The following CACNA2D1 variants were observed in gnomAD, a reference collection of about 807,000 sequenced individuals.
CACNA2D1 encodes voltage-dependent calcium channel subunit alpha-2/delta-1.
In CACNA2D1, 53 loss-of-function variants were observed where a neutral mutation model predicts 171.5. That is an observed-to-expected ratio of 0.31 (90% confidence interval 0.25 to 0.39). The LOEUF (loss-of-function observed/expected upper bound fraction) is 0.39. Ranked by LOEUF, CACNA2D1 falls within the 10% of genes least tolerant of loss-of-function variation. The pLI, the probability that CACNA2D1 is intolerant of heterozygous loss-of-function variation, is 1.00. For synonymous variants in CACNA2D1, 442 were observed against 443.1 expected, an observed-to-expected ratio of 1.00 and a Z score of 0.03; for missense variants, 903 against 1,299.8, an observed-to-expected ratio of 0.69 and a Z score of 4.69.
chr7:82,281,973 A>G (rs988082223), intron 3 of CACNA2D1, among the ~76,000 whole-genome samples: 1 of 152,138 alleles, frequency 6.6e-6, no homozygotes, highest in East Asian at 1.9e-4. Flanking sequence ...AAGAAAAAAG[A>G]AAGAAAAAAA....
At chr7:82,268,621 T>A (rs1415769499) in intron 3 of CACNA2D1, among the ~76,000 whole-genome samples, 1 of 151,606 alleles carries the variant, frequency 6.6e-6, no homozygotes, top group Non-Finnish European at 1.5e-5. Context: ...GGGAAAAATG[T>A]TGAGAAATTA....
intron 5 of CACNA2D1, among the ~76,000 whole-genome samples, chr7:82,135,030 G>A (rs1485253124): frequency 6.6e-6 from 1 of 152,012 alleles, no homozygotes; most frequent in Non-Finnish European, 1.5e-5. Context: ...TCTAAATAAT[G>A]AGCAAACCTA....
At chr7:82,332,565 A>AGAAAGAAAGAAG (rs1491481168) in intron 3 of CACNA2D1, among the ~76,000 whole-genome samples, 1 of 109,256 alleles carries the variant, frequency 9.2e-6, no homozygotes, top group Non-Finnish European at 2.2e-5. Flanking sequence ...AAAGAAAGAA[A>AGAAAGAAAGAAG]GAACGAACAG....
intron 4 of CACNA2D1, among the ~76,000 whole-genome samples, chr7:82,156,698 G>C (rs2367909): frequency 2.3e-5 from 3 of 132,504 alleles, no homozygotes; most frequent in African/African-American, 3.4e-5. Flanking sequence ...GATATTAAAC[G>C]TTTTTTTAAA....
chr7:81,964,906 C>A (rs140903980), intron 32 of CACNA2D1, among the ~76,000 whole-genome samples: 1 of 151,524 alleles, frequency 6.6e-6, no homozygotes, highest in African/African-American at 2.4e-5. Flanking sequence ...TTTTTGTACA[C>A]CTTAAACATA....
intron 3 of CACNA2D1, among the ~76,000 whole-genome samples, chr7:82,329,071 G>A (rs42054): frequency 0.55 from 83,831 of 151,818 alleles, 23,838 homozygotes; most frequent in East Asian, 0.71. Flanking sequence ...TTTCTAAAAT[G>A]TTACTGGCAC....
chr7:82,098,113 G>C (rs1812146732), intron 6 of CACNA2D1, among the ~76,000 whole-genome samples: 1 of 152,064 alleles, frequency 6.6e-6, no homozygotes, highest in African/African-American at 2.4e-5. Flanking sequence ...CTGGGTGACA[G>C]AGCAAGACTT....
At chr7:82,392,571 G>GT (rs1825250042) in intron 1 of CACNA2D1, among the ~76,000 whole-genome samples, 1 of 152,102 alleles carries the variant, frequency 6.6e-6, no homozygotes, top group African/African-American at 2.4e-5. Context: ...CTGAGTGAGT[G>GT]TAACACCTCC....
rs182807632 is a variant in CACNA2D1, at chr7:82,094,503, C to T, written c.527-9603G>A. 1.5e-3 allele frequency among the ~76,000 whole-genome samples: 228 copies of T among 152,240 alleles called. 3 individuals are homozygous for T. The highest frequency in any genetic ancestry group is 0.015 in the East Asian group (76 of 5,178). ...ATATTGTTAGTATTCAGGATGCCTA[C>T]AACATAGTGAGCATGACTTGTTTAG... On this transcript the variant is annotated intron_variant, in intron 6 of 38. Coordinates refer to ENST00000356860, the MANE Select transcript of CACNA2D1 (RefSeq NM_000722.4).
At chr7:82,190,217 T>C (rs779271860) in intron 3 of CACNA2D1, among the ~76,000 whole-genome samples, 1 of 151,808 alleles carries the variant, frequency 6.6e-6, no homozygotes, top group South Asian at 2.1e-4. Context: ...GAAAGAATCA[T>C]CTCAACAGCA....
chr7:82,355,560 A>G (rs1210704316), intron 1 of CACNA2D1, among the ~76,000 whole-genome samples: 1 of 152,116 alleles, frequency 6.6e-6, no homozygotes, highest in Non-Finnish European at 1.5e-5. Context: ...TTCCGTATGC[A>G]GTCAAGGTAC....
chr7:82,176,670 A>G (rs992237701), intron 3 of CACNA2D1, among the ~76,000 whole-genome samples: 16 of 151,750 alleles, frequency 1.1e-4, no homozygotes, highest in African/African-American at 3.9e-4. Flanking sequence ...GCAACTAGAT[A>G]AATACCCTGA....
chr7:82,272,758 T>A (rs1312935899), intron 3 of CACNA2D1, among the ~76,000 whole-genome samples: 1 of 152,230 alleles, frequency 6.6e-6, no homozygotes, highest in Non-Finnish European at 1.5e-5. Flanking sequence ...TGTTTCCGTT[T>A]GTTGCTATTA....
At chr7:82,420,830 GAA>G (rs56858207) in intron 1 of CACNA2D1, among the ~76,000 whole-genome samples, 3 of 138,812 alleles carry the variant, frequency 2.2e-5, no homozygotes, top group African/African-American at 5.2e-5. Context: ...TAGCGAGCAG[GAA>G]AAAAAAAAAA....
chr7:82,217,652 A>ACACACACACACACACACT (rs1801296431), intron 3 of CACNA2D1, among the ~76,000 whole-genome samples: 1 of 150,992 alleles, frequency 6.6e-6, no homozygotes, highest in Non-Finnish European at 1.5e-5. Context: ...ACACACACAC[A>ACACACACACACACACACT]CACACACACA....
At chr7:82,309,869 G>A (rs1814212111) in intron 3 of CACNA2D1, among the ~76,000 whole-genome samples, 1 of 152,082 alleles carries the variant, frequency 6.6e-6, no homozygotes, top group Non-Finnish European at 1.5e-5. Flanking sequence ...CAGAACCCAG[G>A]GCAACTGGGG....
intron 3 of CACNA2D1, among the ~76,000 whole-genome samples, chr7:82,187,918 T>C (rs369625428): frequency 5.3e-5 from 8 of 152,152 alleles, no homozygotes; most frequent in East Asian, 1.9e-4. Flanking sequence ...ATATGTATGA[T>C]AGTAAGATAT....
At chr7:81,961,291 C>G (rs374257953) in intron 36 of CACNA2D1, among the ~76,000 whole-genome samples, 1 of 151,960 alleles carries the variant, frequency 6.6e-6, no homozygotes, top group Non-Finnish European at 1.5e-5. Context: ...AAATTAAATT[C>G]TCCATCTCTT....
rs113359897 is a variant in CACNA2D1, at chr7:81,951,688, C to G, written c.3160-1180G>C. Among the ~76,000 whole-genome samples the G allele has an allele frequency of 1.3e-3, 194 of 152,176 alleles. 5 individuals carry two copies. Among genetic ancestry groups the G allele is most frequent in the East Asian group, 8.3e-3 (43 of 5,182 alleles). On this transcript the variant is annotated intron_variant, in intron 38 of 38. Coordinates refer to ENST00000356860, the MANE Select transcript of CACNA2D1 (RefSeq NM_000722.4). ...GCCATTATTTCATTCCTTTTTATGG[C>G]TGAGGTGTATTCCATGTTGTATATA...
Sources: allele counts gnomAD v4.1 joint callset (sites outside exome capture counted in the v4.1 genomes callset), GRCh38; gene constraint gnomAD v4.1.1; transcripts MANE v1.5; gene names NCBI Gene and HGNC (gene_info 2026-07-23, HGNC 2026-07-21).